The following KALRN variants were observed in gnomAD, a reference collection of about 807,000 sequenced individuals.
The protein encoded by KALRN is kalirin RhoGEF kinase, also known as kalirin.
KALRN carries 70 observed loss-of-function variants against 353.7 expected under a neutral mutation model. That is an observed-to-expected ratio of 0.20 (90% CI 0.16 to 0.24). The LOEUF (loss-of-function observed/expected upper bound fraction) is 0.24, where lower values mean the gene tolerates loss of function less well. Ranked by LOEUF, KALRN falls within the 10% of genes least tolerant of loss-of-function variation. KALRN has a pLI of 1.00. For synonymous variants in KALRN, 1,391 were observed against 1,434.8 expected (o/e 0.97, Z 0.69); for missense variants, 2,791 against 3,756.7 (o/e 0.74, Z 6.72).
intron 24 of KALRN, 45 bp downstream of exon 24, chr3:124,462,001 C>T (rs1297345614): frequency 4.2e-6 from 6 of 1,413,154 alleles, no homozygotes; most frequent in South Asian, 1.2e-5. Flanking sequence ...GGAAAAATGA[C>T]ATCCTTGCCA....
At chr3:124,088,948 G>A (rs890596335) in intron 1 of KALRN, among the ~76,000 whole-genome samples, 2 of 151,948 alleles carry the variant, frequency 1.3e-5, no homozygotes, top group Non-Finnish European at 2.9e-5. Flanking sequence ...TGATGTGTAT[G>A]TAGGGAGCCA....
Position 124,678,328 on chromosome 3 carries a change from C to T in KALRN, c.7317+15C>T, listed in dbSNP as rs1578902585. The T allele has an allele frequency of 6.2e-7, 1 of 1,612,526 alleles. No individual in the cohort carries two copies. The highest frequency in any genetic ancestry group is 8.5e-7 in the Non-Finnish European group (1 of 1,179,116). On this transcript the variant is annotated intron_variant, in intron 50 of 59. Transcript: ENST00000682506. ...TCTCTGTTAAAGTGAGTAAGGTATTCCGGAGCTGCGTCCCCACCTGTCATC... is the reference window on the plus strand; with the variant it reads ...TCTCTGTTAAAGTGAGTAAGGTATTTCGGAGCTGCGTCCCCACCTGTCATC...
intron 10 of KALRN, among the ~76,000 whole-genome samples, chr3:124,380,318 AG>A (rs1161983286): frequency 6.6e-6 from 1 of 152,242 alleles, no homozygotes; most frequent in Non-Finnish European, 1.5e-5. Flanking sequence ...AAAATTTAAA[AG>A]TAATGGGCCA....
intron 6 of KALRN, among the ~76,000 whole-genome samples, chr3:124,308,812 A>C (rs774026667): frequency 4.0e-4 from 61 of 151,840 alleles, no homozygotes; most frequent in Admixed American, 6.6e-4. Flanking sequence ...GAAATAATAA[A>C]GATTAGAGTA....
At chr3:124,228,573 A>G (rs2078833752) in intron 2 of KALRN, among the ~76,000 whole-genome samples, 1 of 152,226 alleles carries the variant, frequency 6.6e-6, no homozygotes, top group Admixed American at 6.5e-5. Context: ...TCTTGTGCAC[A>G]AAGACCTCTT....
chr3:124,250,644 G>A (rs188268168), intron 3 of KALRN, among the ~76,000 whole-genome samples: 1 of 152,308 alleles, frequency 6.6e-6, no homozygotes, highest in East Asian at 1.9e-4. Context: ...AAGATGAATT[G>A]TTTTTCATAT....
Position 124,723,109 on chromosome 3 carries a change from G to A in KALRN, c.*3639G>A, listed in dbSNP as rs1487627620. 1 of 152,316 alleles carries A rather than the reference G, an allele frequency of 6.6e-6. No individual in the cohort carries two copies. Among genetic ancestry groups the A allele is most frequent in the Non-Finnish European group, 1.5e-5 (1 of 68,030 alleles). The allele number at this position is 152,316 out of a possible 1,614,324, so 9.4% of individuals were successfully genotyped here. On this transcript the variant is annotated 3_prime_UTR_variant, in exon 60 of 60. Coordinates refer to ENST00000682506, the MANE Select transcript of KALRN (RefSeq NM_001388419.1). ...TCTCAGCCATAAACAATGTAAGGGG[G>A]AGTAGAGGAAGCAGAGGAGAAAGCT...
At chr3:124,108,121 G>C (rs2062484191) in intron 1 of KALRN, among the ~76,000 whole-genome samples, 1 of 152,186 alleles carries the variant, frequency 6.6e-6, no homozygotes, top group Non-Finnish European at 1.5e-5. Context: ...TTGCAGGGAA[G>C]GCTCCACTTA....
At chr3:124,560,051 C>A (rs1314222840) in intron 33 of KALRN, among the ~76,000 whole-genome samples, 1 of 152,222 alleles carries the variant, frequency 6.6e-6, no homozygotes, top group African/African-American at 2.4e-5. Context: ...ATCTAGGCTT[C>A]TCGCCAGGAA....
chr3:124,490,932 C>T, intron 30 of KALRN, 48 bp downstream of exon 30: 3 of 1,527,858 alleles, frequency 2.0e-6, no homozygotes, highest in South Asian at 1.2e-5. Flanking sequence ...TTTCATAGAA[C>T]CCATGGGCAG....
At chr3:124,340,912 C>T (rs1360783003) in intron 9 of KALRN, among the ~76,000 whole-genome samples, 2 of 152,080 alleles carry the variant, frequency 1.3e-5, no homozygotes, top group African/African-American at 2.4e-5. Flanking sequence ...GCCAAGATCA[C>T]GCTACTGCAC....
chr3:124,531,624 G>A (rs2068050342), intron 33 of KALRN, among the ~76,000 whole-genome samples: 1 of 152,146 alleles, frequency 6.6e-6, no homozygotes, highest in African/African-American at 2.4e-5. Flanking sequence ...GGCAGGAACA[G>A]GAGCAAGAGA....
At position 124,482,791 on chromosome 3, in the gene KALRN, T is replaced by G. The variant is rs534689200; in HGVS notation, c.4192-17T>G. ...CACCCCTCTGTGTCTAATTGCACAT[T>G]GTTCTCATCCCTGCAGGAGATACAA... On this transcript the variant is annotated splice_polypyrimidine_tract_variant and intron_variant, in intron 27 of 59. Transcript: ENST00000682506. 3 of 1,569,864 alleles carry G rather than the reference T, an allele frequency of 1.9e-6. No individual in the cohort carries two copies. The South Asian group carries it at 3.3e-5, about 17-fold the overall frequency.
At chr3:124,501,052 C>T (rs898430933) in intron 33 of KALRN, among the ~76,000 whole-genome samples, 1 of 152,108 alleles carries the variant, frequency 6.6e-6, no homozygotes, top group Non-Finnish European at 1.5e-5. Flanking sequence ...TGCCATTTAG[C>T]CCAGGCATGC....
At chr3:124,706,539 A>G (rs2062622565) in intron 57 of KALRN, among the ~76,000 whole-genome samples, 1 of 151,988 alleles carries the variant, frequency 6.6e-6, no homozygotes, top group African/African-American at 2.4e-5. Flanking sequence ...GGCTTCACCC[A>G]CAAGCTCAGA....
At chr3:124,348,223 G>A (rs992554835) in intron 10 of KALRN, among the ~76,000 whole-genome samples, 2 of 152,198 alleles carry the variant, frequency 1.3e-5, no homozygotes, top group African/African-American at 4.8e-5. Context: ...GACAGAGCTA[G>A]GTTTTGCCAT....
At chr3:124,167,745 A>G (rs2071103515) in intron 1 of KALRN, among the ~76,000 whole-genome samples, 1 of 152,274 alleles carries the variant, frequency 6.6e-6, no homozygotes, top group Admixed American at 6.5e-5. Context: ...GTGTTCTCCC[A>G]TAGAGTAGCC....
intron 13 of KALRN, among the ~76,000 whole-genome samples, chr3:124,402,890 C>T (rs1221408052): frequency 2.0e-5 from 3 of 152,140 alleles, no homozygotes; most frequent in Non-Finnish European, 4.4e-5. Context: ...CATAATGTGG[C>T]TGACAGAGAA....
intron 5 of KALRN, among the ~76,000 whole-genome samples, chr3:124,272,718 A>T (rs1580332924): frequency 6.6e-6 from 1 of 152,154 alleles, no homozygotes; most frequent in African/African-American, 2.4e-5. Context: ...CTCAAGCTTG[A>T]CCCAGCTGCC....
Sources: allele counts gnomAD v4.1 joint callset (sites outside exome capture counted in the v4.1 genomes callset), GRCh38; gene constraint gnomAD v4.1.1; transcripts MANE v1.5; gene names NCBI Gene and HGNC (gene_info 2026-07-23, HGNC 2026-07-21).